Variants in ADGRB3 observed in about 807,000 individuals in gnomAD.
ADGRB3 encodes adhesion G protein-coupled receptor B3.
ADGRB3 carries 37 observed loss-of-function variants against 193.4 expected under a neutral mutation model. The ratio of observed to expected loss-of-function variants is 0.19; its 90% confidence interval spans 0.15 to 0.25. ADGRB3 has a LOEUF of 0.25. ADGRB3 is among the 10% of genes least tolerant of loss of function. The probability of loss-of-function intolerance (pLI) is 1.00; values close to 1 mark genes in which losing one functional copy is unlikely to be tolerated. For missense variants in ADGRB3, 1,637 were observed against 1,852.9 expected, an observed-to-expected ratio of 0.88 and a Z score of 2.14; for synonymous variants, 690 against 644.2, an observed-to-expected ratio of 1.07 and a Z score of -1.08.
chr6:69,344,897 T>G (rs1005551575), intron 26 of ADGRB3, among the ~76,000 whole-genome samples: 19 of 151,732 alleles, frequency 1.3e-4, no homozygotes, highest in Non-Finnish European at 2.6e-4. Context: ...TTCCATGGAG[T>G]GGGGCCTGTG....
At chr6:69,254,538 T>G (rs912960680) in intron 20 of ADGRB3, among the ~76,000 whole-genome samples, 3 of 152,116 alleles carry the variant, frequency 2.0e-5, no homozygotes, top group African/African-American at 7.2e-5. Flanking sequence ...TATCTTTATG[T>G]TTTTTCTTTT....
chr6:68,689,695 A>G (rs1249854492), intron 3 of ADGRB3, among the ~76,000 whole-genome samples: 4 of 151,284 alleles, frequency 2.6e-5, no homozygotes, highest in Non-Finnish European at 5.9e-5. Context: ...TTTATGATGA[A>G]CCAAAAGAAA....
intron 20 of ADGRB3, among the ~76,000 whole-genome samples, chr6:69,288,248 C>T (rs538939423): frequency 2.7e-4 from 41 of 152,232 alleles, no homozygotes; most frequent in African/African-American, 9.4e-4. Flanking sequence ...CTCCCTGTGT[C>T]CATGTGTTCT....
chr6:69,263,321 T>A (rs1006372370), intron 20 of ADGRB3, among the ~76,000 whole-genome samples: 8 of 152,074 alleles, frequency 5.3e-5, no homozygotes. Context: ...GATATATAAT[T>A]GGTGATGATA....
chr6:69,291,433 A>G (rs557673029), intron 20 of ADGRB3, among the ~76,000 whole-genome samples: 2 of 152,302 alleles, frequency 1.3e-5, no homozygotes, highest in Admixed American at 1.3e-4. Flanking sequence ...TATAACAACC[A>G]TTAATAAGCA....
At chr6:68,832,110 C>T (rs1767967739) in intron 3 of ADGRB3, among the ~76,000 whole-genome samples, 1 of 151,984 alleles carries the variant, frequency 6.6e-6, no homozygotes, top group Admixed American at 6.6e-5. Context: ...CTGAATTGAA[C>T]TTTGTATCCA....
chr6:68,992,181 G>T (rs982179173), intron 10 of ADGRB3, among the ~76,000 whole-genome samples: 2 of 152,142 alleles, frequency 1.3e-5, no homozygotes, highest in Non-Finnish European at 2.9e-5. Flanking sequence ...ACTCTGTTTA[G>T]TTATTTAGAA....
intron 8 of ADGRB3, among the ~76,000 whole-genome samples, chr6:68,961,523 C>A (rs965416253): frequency 2.6e-5 from 4 of 152,118 alleles, no homozygotes; most frequent in African/African-American, 9.7e-5. Context: ...CTTATTTTCT[C>A]CTCAGGTTCC....
At chr6:69,126,032 T>C (rs1472497068) in intron 17 of ADGRB3, among the ~76,000 whole-genome samples, 3 of 152,196 alleles carry the variant, frequency 2.0e-5, no homozygotes, top group African/African-American at 7.2e-5. Context: ...GTACTTCCTG[T>C]GCTTTTCGCC....
chr6:68,940,884 C>T (rs1370768775), intron 5 of ADGRB3, among the ~76,000 whole-genome samples: 3 of 151,742 alleles, frequency 2.0e-5, no homozygotes, highest in African/African-American at 4.8e-5. Flanking sequence ...AGTGAGACTC[C>T]GTCTCAAAAT....
chr6:69,037,540 A>G (rs1362408419), intron 13 of ADGRB3, among the ~76,000 whole-genome samples: 2 of 152,092 alleles, frequency 1.3e-5, no homozygotes, highest in Non-Finnish European at 2.9e-5. Context: ...TTTGAATCCA[A>G]TGGCTGTTCT....
chr6:69,175,835 C>G (rs915580392), intron 17 of ADGRB3, among the ~76,000 whole-genome samples: 2 of 152,010 alleles, frequency 1.3e-5, no homozygotes, highest in Non-Finnish European at 2.9e-5. Flanking sequence ...TGTGGTTTTC[C>G]TTGTAGAGAT....
At chr6:69,196,520 T>C (rs1765300130) in intron 17 of ADGRB3, among the ~76,000 whole-genome samples, 1 of 152,128 alleles carries the variant, frequency 6.6e-6, no homozygotes. Flanking sequence ...TACATAGCCT[T>C]TTCTCTGCAA....
chr6:69,365,956 T>G (rs531799208), intron 29 of ADGRB3, among the ~76,000 whole-genome samples: 18 of 152,134 alleles, frequency 1.2e-4, no homozygotes, highest in Admixed American at 3.3e-4. Context: ...ATGTCATTAC[T>G]GTAATGCCCT....
chr6:68,944,829 T>C (rs777124113), intron 6 of ADGRB3, among the ~76,000 whole-genome samples: 2 of 152,152 alleles, frequency 1.3e-5, no homozygotes, highest in Non-Finnish European at 2.9e-5. Context: ...AAGAAAGAGA[T>C]AGACATGAAT....
intron 17 of ADGRB3, among the ~76,000 whole-genome samples, chr6:69,210,153 T>TATATATATATATATATG (rs1554170401): frequency 8.6e-6 from 1 of 115,758 alleles, no homozygotes; most frequent in Non-Finnish European, 1.7e-5. Context: ...ATATATCATA[T>TATATATATATATATATG]ATATATATAT....
At chr6:69,258,712 A>T (rs749784059) in intron 20 of ADGRB3, among the ~76,000 whole-genome samples, 7 of 152,244 alleles carry the variant, frequency 4.6e-5, no homozygotes, top group Non-Finnish European at 7.3e-5. Context: ...AATATGGAAA[A>T]GTATACCAAG....
At chr6:68,795,155 A>G (rs1767182264) in intron 3 of ADGRB3, among the ~76,000 whole-genome samples, 1 of 152,170 alleles carries the variant, frequency 6.6e-6, no homozygotes, top group African/African-American at 2.4e-5. Flanking sequence ...CCAGCAGTCC[A>G]TGTGGTCAGT....
At chr6:69,290,980 C>T (rs375921899) in intron 20 of ADGRB3, among the ~76,000 whole-genome samples, 3 of 151,972 alleles carry the variant, frequency 2.0e-5, no homozygotes, top group Non-Finnish European at 4.4e-5. Flanking sequence ...ATTCAGCTTT[C>T]GCTTTTAGTC....
Sources: allele counts gnomAD v4.1 joint callset (sites outside exome capture counted in the v4.1 genomes callset), GRCh38; gene constraint gnomAD v4.1.1; transcripts MANE v1.5; gene names NCBI Gene and HGNC (gene_info 2026-07-23, HGNC 2026-07-21).